F11: variants seen among roughly 807,000 people sequenced by gnomAD.
The protein encoded by F11 is coagualtion factor XI.
F11 carries 78 observed loss-of-function variants against 76.5 expected under a neutral mutation model. That is an observed-to-expected ratio of 1.02 (90% CI 0.85 to 1.23). The LOEUF (loss-of-function observed/expected upper bound fraction) is 1.23. Among genes scored for constraint, F11 ranks in the 50% most tolerant of loss-of-function variants. The probability of loss-of-function intolerance (pLI) is 0.00; values close to 1 mark genes in which losing one functional copy is unlikely to be tolerated. For synonymous variants in F11, 278 were observed against 276.3 expected (o/e 1.01, Z -0.06); for missense variants, 742 against 771.4 (o/e 0.96, Z 0.45).
At position 186,271,754 on chromosome 4, in the gene F11, T is replaced by C. The variant is rs772851488; in HGVS notation, c.201T>C (p.Ser67=). 9 of 1,614,078 alleles carry C rather than the reference T, an allele frequency of 5.6e-6. No individual in the cohort carries two copies. In the South Asian group the frequency reaches 9.9e-5, roughly 18 times the overall value. ...TCACTTTCACGGCGGAATCACCATC[T>C]GAGGATCCCACCCGATGGTAAATGC... ...LLFTFTAESP[S]EDPTRWFTCV... is the part of the protein sequence containing the mutation. Residue 67 remains serine, a synonymous_variant, in exon 3 of 15, where the codon TCT becomes TCC. Coordinates refer to ENST00000403665, the MANE Select transcript of F11 (RefSeq NM_000128.4).
At position 186,285,796 on chromosome 4, in the gene F11, C is replaced by A; in HGVS notation, c.1463C>A (p.Thr488Asn). The change falls in exon 12 of 15, where the codon ACC (threonine) becomes AAC (asparagine). Residue 488 changes from threonine to asparagine, a missense_variant. By Grantham distance (65) the Thr-to-Asn change is moderately conservative (BLOSUM62 0). Coordinates refer to ENST00000403665, the MANE Select transcript of F11 (RefSeq NM_000128.4). The stretch of plus-strand genomic sequence containing the variant: ...GATATTGCCTTGTTGAAACTGGAAA[C>A]CACAGTGAATTACACAGGTACGGAG... ...GYDIALLKLETTVNYTDSQRP... is the reference protein window; with the variant it reads ...GYDIALLKLENTVNYTDSQRP... 6.2e-7 allele frequency: 1 copy of A among 1,614,150 alleles called. No individual in the cohort carries two copies. Among genetic ancestry groups the A allele is most frequent in the Non-Finnish European group, 8.5e-7 (1 of 1,180,028 alleles).
At position 186,276,320 on chromosome 4, in the gene F11, A is replaced by C; in HGVS notation, c.685A>C (p.Ile229Leu). 6.2e-7 allele frequency: 1 copy of C among 1,614,152 alleles called. No homozygotes were observed. ...MAPDAFVCGR[I>L]CTHHPGCLFF... ...TCCCGATGCTTTTGTCTGTGGCCGA[A>C]TCTGCACTCATCATCCCGGTTGCTT... The change falls in exon 7 of 15, where the codon ATC becomes CTC. Residue 229 changes from isoleucine (I) to leucine (L), a missense_variant. Transcript: ENST00000403665.
chr4:186,280,053 G>A lies in F11; in HGVS notation c.797G>A (p.Ser266Asn), dbSNP rs145168351. Residue 266 changes from serine (S) to asparagine (N), a missense_variant, in exon 8 of 15, where the codon AGT (serine) becomes AAT (asparagine). Coordinates refer to ENST00000403665, the MANE Select transcript of F11 (RefSeq NM_000128.4). ...LLKTSESGLPSTRIKKSKALS... is the reference protein window; with the variant it reads ...LLKTSESGLPNTRIKKSKALS... ...AAAACATCTGAGAGTGGATTGCCCA[G>A]TACACGCATTAAAAAGAGCAAAGCT... The A allele has an allele frequency of 1.3e-4, 210 of 1,614,104 alleles. No individual in the cohort carries two copies. The African/African-American group carries it at 2.3e-3, about 18-fold the overall frequency.
At chr4:186,275,178 A>G in intron 5 of F11, 1 of 457,070 alleles carries the variant, frequency 2.2e-6, no homozygotes, top group Non-Finnish European at 4.4e-6. Context: ...TAAGCAAGAT[A>G]AAGTTAAGTC....
intron 11 of F11, among the ~76,000 whole-genome samples, chr4:186,285,227 C>A (rs183282691): frequency 3.9e-5 from 6 of 152,086 alleles, no homozygotes; most frequent in African/African-American, 1.4e-4. Context: ...GCCAAGAGTT[C>A]CCGTTACCTG....
intron 11 of F11, among the ~76,000 whole-genome samples, chr4:186,284,573 C>A (rs574428697): frequency 3.3e-5 from 5 of 151,964 alleles, no homozygotes; most frequent in Admixed American, 3.3e-4. Flanking sequence ...GCACTGTGCC[C>A]GGAACTAAAC....
rs531690015 is a variant in F11, at chr4:186,289,098, T to G, written c.*484T>G. On this transcript the variant is annotated 3_prime_UTR_variant, in exon 15 of 15. Coordinates refer to ENST00000403665, the MANE Select transcript of F11 (RefSeq NM_000128.4). ...TTTCTTTTGTAAAGAAAGAAATTGA[T>G]TGCATTTAATGGCAGATTTTCAGAA... is the stretch of plus-strand genomic sequence containing the variant. 1.2e-5 allele frequency: 2 copies of G among 160,214 alleles called. No homozygotes were observed. The highest frequency in any genetic ancestry group is 3.6e-4 in the South Asian group (2 of 5,610). 9.9% of individuals were successfully genotyped at this position (160,214 alleles called of 1,614,324 possible).
intron 7 of F11, among the ~76,000 whole-genome samples, chr4:186,277,113 G>T (rs766770928): frequency 7.2e-5 from 11 of 152,052 alleles, no homozygotes; most frequent in Non-Finnish European, 1.6e-4. Context: ...CTGTGCCTGT[G>T]TACACTTTAT....
Position 186,287,696 on chromosome 4 carries a change from A to G in F11, c.1589A>G (p.Asn530Ser). ...GYRKLRDKIQNTLQKAKIPLV... is the reference protein window; with the variant it reads ...GYRKLRDKIQSTLQKAKIPLV... Reference sequence around the variant, plus strand: ...AAATTTTTTTCAGACAAAATACAAAATACTCTCCAGAAAGCCAAGATACCC... The same window carrying G: ...AAATTTTTTTCAGACAAAATACAAAGTACTCTCCAGAAAGCCAAGATACCC... The change falls in exon 14 of 15, where the codon AAT (asparagine) becomes AGT (serine). Residue 530 changes from asparagine to serine, a missense_variant. By Grantham distance (46) the Asn-to-Ser change is conservative. Coordinates refer to ENST00000403665, the MANE Select transcript of F11 (RefSeq NM_000128.4). The G allele has an allele frequency of 1.9e-6, 3 of 1,612,470 alleles. No homozygotes were observed. The highest frequency in any genetic ancestry group is 2.5e-6 in the Non-Finnish European group (3 of 1,179,092).
Position 186,286,505 on chromosome 4 carries a change from T to C in F11, c.1571T>C (p.Leu524Pro). ...GTGACTGGATGGGGGTACAGAAAAC[T>C]AAGAGGTAAAAATGATGTTGTTATA... ...CWVTGWGYRK[L>P]RDKIQNTLQK... Residue 524 changes from leucine (L) to proline (P), a missense_variant, in exon 13 of 15, where the codon CTA (leucine) becomes CCA (proline). By Grantham distance (98) the Leu-to-Pro change is moderately conservative (BLOSUM62 -3). Transcript: ENST00000403665. 6.2e-7 allele frequency: 1 copy of C among 1,613,628 alleles called. No individual in the cohort carries two copies. The highest frequency in any genetic ancestry group is 8.5e-7 in the Non-Finnish European group (1 of 1,179,734).
Position 186,276,358 on chromosome 4 carries a change from C to CT in F11, c.727dup (p.Ser243PhefsTer16). ...ATCCCGGTTGCTTGTTTTTTACCTTCTTTTCCCAGGAATGGCCCAAAGAAT... is the reference window on the plus strand; with the variant it reads ...ATCCCGGTTGCTTGTTTTTTACCTTCTTTTTCCCAGGAATGGCCCAAAGAAT... On this transcript the variant is annotated frameshift_variant, in exon 7 of 15. Coordinates refer to ENST00000403665, the MANE Select transcript of F11 (RefSeq NM_000128.4). LOFTEE classifies it high-confidence loss of function. The CT allele has an allele frequency of 6.2e-7, 1 of 1,614,078 alleles. No individual in the cohort carries two copies. Among genetic ancestry groups the CT allele is most frequent in the East Asian group, 2.2e-5 (1 of 44,870 alleles).
rs565200538 is a variant in F11, at chr4:186,266,871, C to G, written c.-1-265C>G. 2.0e-5 allele frequency among the ~76,000 whole-genome samples: 3 copies of G among 151,854 alleles called. No homozygotes were observed. In the South Asian group the frequency reaches 6.3e-4, roughly 32 times the overall value. ...TGAACACAGAGAGCGGCGGGGCCGG[C>G]GGGGAAGGAGGGAGGAGGGGAGAGC... On this transcript the variant is annotated intron_variant, in intron 1 of 14. Transcript: ENST00000403665.
intron 7 of F11, among the ~76,000 whole-genome samples, chr4:186,278,890 G>C (rs1016377670): frequency 6.6e-6 from 1 of 152,096 alleles, no homozygotes; most frequent in Non-Finnish European, 1.5e-5. Context: ...TCAAGCCTTG[G>C]GACATTGGAA....
At chr4:186,276,178 T>G in intron 6 of F11, 53 bp from the exon 7 acceptor site, 1 of 1,610,848 alleles carries the variant, frequency 6.2e-7, no homozygotes, top group Non-Finnish European at 8.5e-7. Flanking sequence ...GTGACCGGAA[T>G]TTTCCTGATA....
intron 7 of F11, among the ~76,000 whole-genome samples, 183 bp from the exon 8 acceptor site, chr4:186,279,829 G>A (rs1740653838): frequency 6.6e-6 from 1 of 152,184 alleles, no homozygotes; most frequent in African/African-American, 2.4e-5. Flanking sequence ...CAACCTAAGG[G>A]CCATGGAGTG....
At chr4:186,269,451 T>A (rs1739753375) in intron 2 of F11, among the ~76,000 whole-genome samples, 1 of 152,366 alleles carries the variant, frequency 6.6e-6, no homozygotes, top group Middle Eastern at 3.4e-3. Context: ...TGCTATGACA[T>A]GGATGAACCT....
rs33965536 is a variant in F11 at position 186,276,582 on chromosome 4, C to CTTTTT, written c.755+210_755+214dup. Among the ~76,000 whole-genome samples the CTTTTT allele has an allele frequency of 2.7e-3, 202 of 75,950 alleles. 4 individuals are homozygous for CTTTTT. Among genetic ancestry groups the CTTTTT allele is most frequent in the Middle Eastern group, 9.1e-3 (1 of 110 alleles). The allele number at this position is 75,950 out of a possible 152,430, so 49.8% of individuals were successfully genotyped here. A position where few individuals can be genotyped will look rare whatever the true frequency, so the allele number is the denominator to read the frequency against. Reference sequence around the variant, plus strand: ...CACAAACCCAACATTACCGAGGACTCTTTTTTTTTTTTTTTTTTTTTTGAG... The same window carrying CTTTTT: ...CACAAACCCAACATTACCGAGGACTCTTTTTTTTTTTTTTTTTTTTTTTTTTTGAG... On this transcript the variant is annotated intron_variant, in intron 7 of 14. Coordinates refer to ENST00000403665, the MANE Select transcript of F11 (RefSeq NM_000128.4).
Position 186,276,399 on chromosome 4 carries a change from T to G in F11, c.755+9T>G. 1 of 1,613,696 alleles carries G rather than the reference T, an allele frequency of 6.2e-7. No homozygotes were observed. The highest frequency in any genetic ancestry group is 8.5e-7 in the Non-Finnish European group (1 of 1,179,798). The stretch of plus-strand genomic sequence containing the variant: ...CCCAAAGAATCTCAAAGGTAAGGAG[T>G]TAACAAGTAAGGATAATTTGTTATC... On this transcript the variant is annotated intron_variant, in intron 7 of 14. Coordinates refer to ENST00000403665, the MANE Select transcript of F11 (RefSeq NM_000128.4).
intron 10 of F11, among the ~76,000 whole-genome samples, chr4:186,283,560 T>C (rs1055791346): frequency 6.6e-6 from 1 of 152,202 alleles, no homozygotes; most frequent in Non-Finnish European, 1.5e-5. Context: ...ACTGGGATCA[T>C]GGTCAGCAGA....
Sources: gnomAD v4.1 joint callset for allele counts (sites outside exome capture counted in the v4.1 genomes callset) on GRCh38, gnomAD v4.1.1 for gene constraint, MANE v1.5 for transcripts, NCBI Gene and HGNC (gene_info 2026-07-23, HGNC 2026-07-21) for gene names.